Variants in CAMKMT observed in about 807,000 individuals in gnomAD.
The protein encoded by CAMKMT is CaM KMT.
A neutral mutation model predicts 48.0 loss-of-function variants in CAMKMT; 53 were observed. The ratio of observed to expected loss-of-function variants is 1.10; its 90% confidence interval spans 0.89 to 1.39. The LOEUF is 1.39. CAMKMT is among the 40% of genes most tolerant of loss of function. The probability of loss-of-function intolerance (pLI) is 0.00; values close to 1 mark genes in which losing one functional copy is unlikely to be tolerated. For synonymous variants in CAMKMT, 165 were observed against 152.3 expected, an observed-to-expected ratio of 1.08 and a Z score of -0.61; for missense variants, 428 against 402.7, an observed-to-expected ratio of 1.06 and a Z score of -0.54.
chr2:44,767,214 T>C (rs1405738666), intron 10 of CAMKMT, among the ~76,000 whole-genome samples: 2 of 152,240 alleles, frequency 1.3e-5, no homozygotes, highest in Non-Finnish European at 2.9e-5. Context: ...GAAAACTTTT[T>C]AGGATTCTCA....
chr2:44,769,670 G>A (rs574738798), intron 10 of CAMKMT, among the ~76,000 whole-genome samples: 14 of 151,516 alleles, frequency 9.2e-5, no homozygotes, highest in African/African-American at 2.2e-4. Context: ...ATAAACTTTC[G>A]CAAAACCACC....
chr2:44,735,479 T>C (rs1233899282), intron 7 of CAMKMT, among the ~76,000 whole-genome samples: 1 of 152,236 alleles, frequency 6.6e-6, no homozygotes, highest in East Asian at 1.9e-4. Context: ...TTATTCTATT[T>C]TATCTCCTTT....
At chr2:44,410,416 C>T (rs1683124544) in intron 3 of CAMKMT, among the ~76,000 whole-genome samples, 1 of 149,840 alleles carries the variant, frequency 6.7e-6, no homozygotes, top group Non-Finnish European at 1.5e-5. Context: ...CGCCACCTCG[C>T]CCAGCTAATT....
chr2:44,619,876 A>G (rs1672083817), intron 3 of CAMKMT, among the ~76,000 whole-genome samples: 2 of 152,200 alleles, frequency 1.3e-5, no homozygotes, highest in Non-Finnish European at 1.5e-5. Flanking sequence ...TCATGTTTTC[A>G]AAGTGGATTC....
intron 3 of CAMKMT, among the ~76,000 whole-genome samples, chr2:44,512,959 A>T (rs377167155): frequency 6.6e-6 from 1 of 152,190 alleles, no homozygotes; most frequent in Non-Finnish European, 1.5e-5. Flanking sequence ...CAAAAACAAA[A>T]TATCTATTTA....
intron 3 of CAMKMT, among the ~76,000 whole-genome samples, chr2:44,597,402 A>G (rs1558733193): frequency 6.6e-6 from 1 of 152,258 alleles, no homozygotes; most frequent in Non-Finnish European, 1.5e-5. Flanking sequence ...CACAATTAAT[A>G]ATAACATCAG....
chr2:44,517,339 G>T (rs1670883618), intron 3 of CAMKMT, among the ~76,000 whole-genome samples: 1 of 152,092 alleles, frequency 6.6e-6, no homozygotes, highest in South Asian at 2.1e-4. Flanking sequence ...TGTTTTATGA[G>T]CAACTTAAGA....
intron 3 of CAMKMT, among the ~76,000 whole-genome samples, chr2:44,398,030 A>T (rs1682018842): frequency 6.6e-6 from 1 of 152,142 alleles, no homozygotes; most frequent in South Asian, 2.1e-4. Flanking sequence ...TTTTCCCCCG[A>T]GCAAATACTG....
intron 9 of CAMKMT, among the ~76,000 whole-genome samples, chr2:44,764,382 A>G (rs918957597): frequency 8.0e-6 from 1 of 125,556 alleles, no homozygotes; most frequent in Non-Finnish European, 1.8e-5. Flanking sequence ...ATCTTACATC[A>G]GTATAATCTT....
chr2:44,694,474 A>C (rs2104232622), intron 3 of CAMKMT, among the ~76,000 whole-genome samples: 1 of 152,202 alleles, frequency 6.6e-6, no homozygotes, highest in African/African-American at 2.4e-5. Context: ...CTTGGGAGAG[A>C]ATCACCTAAG....
At chr2:44,633,262 T>G (rs1217278919) in intron 3 of CAMKMT, among the ~76,000 whole-genome samples, 2 of 152,160 alleles carry the variant, frequency 1.3e-5, no homozygotes, top group Non-Finnish European at 2.9e-5. Context: ...TTAATGTTAT[T>G]TTCTTTGTGT....
chr2:44,435,950 G>T (rs946864232), intron 3 of CAMKMT, among the ~76,000 whole-genome samples: 1 of 152,132 alleles, frequency 6.6e-6, no homozygotes, highest in Non-Finnish European at 1.5e-5. Flanking sequence ...TAGAAATCCT[G>T]TGAAGTTCGT....
intron 8 of CAMKMT, among the ~76,000 whole-genome samples, chr2:44,745,609 T>G (rs1319156658): frequency 1.3e-5 from 2 of 152,102 alleles, no homozygotes; most frequent in Non-Finnish European, 2.9e-5. Flanking sequence ...ACACCAAGCT[T>G]CATTTTATAA....
At chr2:44,647,051 C>G (rs1387425836) in intron 3 of CAMKMT, among the ~76,000 whole-genome samples, 3 of 152,168 alleles carry the variant, frequency 2.0e-5, no homozygotes, top group South Asian at 2.1e-4. Flanking sequence ...GTAATTCCAG[C>G]ACTTTGGGAG....
intron 3 of CAMKMT, among the ~76,000 whole-genome samples, chr2:44,579,842 A>C (rs1456154148): frequency 2.0e-5 from 3 of 152,246 alleles, no homozygotes; most frequent in African/African-American, 7.2e-5. Context: ...GTGTTGCACA[A>C]ATCGAAAGTC....
chr2:44,753,912 G>A (rs1029574392), intron 8 of CAMKMT, 143 bp from the exon 9 acceptor site: 1 of 650,522 alleles, frequency 1.5e-6, no homozygotes, highest in Admixed American at 2.4e-5. Context: ...ACCCCCTCCA[G>A]TGAGACACTT....
chr2:44,490,112 T>C (rs1042381784), intron 3 of CAMKMT, among the ~76,000 whole-genome samples: 4 of 152,148 alleles, frequency 2.6e-5, no homozygotes, highest in African/African-American at 9.7e-5. Context: ...TGCAGACAGA[T>C]GCAAAAATCC....
chr2:44,390,431 G>A, intron 3 of CAMKMT, 126 bp downstream of exon 3: 1 of 539,688 alleles, frequency 1.9e-6, no homozygotes, highest in South Asian at 2.8e-5. Flanking sequence ...ATATATAATA[G>A]AAAGTTTGAC....
Position 44,657,867 on chromosome 2 carries a change from G to A in CAMKMT, c.377-46416G>A, listed in dbSNP as rs184088823. 6.6e-6 allele frequency among the ~76,000 whole-genome samples: 1 copy of A among 152,200 alleles called. No homozygotes were observed. Among genetic ancestry groups the A allele is most frequent in the Non-Finnish European group, 1.5e-5 (1 of 68,000 alleles). On this transcript the variant is annotated intron_variant, in intron 3 of 10. Coordinates refer to ENST00000378494, the MANE Select transcript of CAMKMT (RefSeq NM_024766.5). This position sits in a 1 kb window ranked among gnomAD's most constrained non-coding sequence, Gnocchi z 4.3. ...TCCAAAATAGTATGGCATACTTAAC[G>A]TTTATCTAACATCTTAGGTGTTCAT... is the stretch of plus-strand genomic sequence containing the variant.
Sources: gnomAD v4.1 joint callset for allele counts (sites outside exome capture counted in the v4.1 genomes callset) on GRCh38, gnomAD v4.1.1 for gene constraint, Gnocchi (gnomAD v3.1) non-coding constraint, MANE v1.5 for transcripts, NCBI Gene and HGNC (gene_info 2026-07-23, HGNC 2026-07-21) for gene names.